Variants in MIPOL1 observed in about 807,000 individuals in gnomAD.
The protein encoded by MIPOL1 is mirror-image polydactyly gene 1 protein.
MIPOL1 carries 57 observed loss-of-function variants against 60.9 expected under a neutral mutation model. The observed-to-expected ratio is 0.94, with a 90% CI of 0.76 to 1.17. The LOEUF (loss-of-function observed/expected upper bound fraction) is 1.17. Ranked by LOEUF, MIPOL1 falls within the 50% of genes most tolerant of loss-of-function variation. The pLI is 0.00. For missense variants in MIPOL1, 551 were observed against 511.6 expected, an observed-to-expected ratio of 1.08 and a Z score of -0.74; for synonymous variants, 179 against 168.8, an observed-to-expected ratio of 1.06 and a Z score of -0.47.
chr14:37,538,541 TGACAGG>T (rs2095516456), intron 12 of MIPOL1, among the ~76,000 whole-genome samples: 2 of 152,202 alleles, frequency 1.3e-5, no homozygotes, highest in African/African-American at 4.8e-5. Context: ...AGATGAAATC[TGACAGG>T]GATAAATGTA....
At chr14:37,463,005 A>G (rs1028506747) in intron 11 of MIPOL1, among the ~76,000 whole-genome samples, 8 of 152,026 alleles carry the variant, frequency 5.3e-5, no homozygotes, top group African/African-American at 1.9e-4. Context: ...GCCCCATTCT[A>G]CTGGTACCAA....
At chr14:37,522,047 C>A (rs2095417959) in intron 12 of MIPOL1, among the ~76,000 whole-genome samples, 1 of 149,628 alleles carries the variant, frequency 6.7e-6, no homozygotes, top group Admixed American at 6.7e-5. Flanking sequence ...TTTTGCTCAA[C>A]CCTTTTACTC....
At chr14:37,417,353 A>G (rs887110461) in intron 10 of MIPOL1, among the ~76,000 whole-genome samples, 4 of 152,162 alleles carry the variant, frequency 2.6e-5, no homozygotes, top group African/African-American at 9.7e-5. Flanking sequence ...TCGACAGTGT[A>G]TATATGACTA....
intron 9 of MIPOL1, among the ~76,000 whole-genome samples, chr14:37,330,882 CT>C (rs2089621549): frequency 6.6e-6 from 1 of 151,992 alleles, no homozygotes; most frequent in South Asian, 2.1e-4. Context: ...GTTTTTGTGA[CT>C]TTTGTGTTCA....
chr14:37,341,907 T>G (rs1229605690), intron 9 of MIPOL1, among the ~76,000 whole-genome samples: 3 of 152,176 alleles, frequency 2.0e-5, no homozygotes, highest in Non-Finnish European at 2.9e-5. Flanking sequence ...TTTAGAGGAG[T>G]TATTTATTAT....
intron 1 of MIPOL1, among the ~76,000 whole-genome samples, chr14:37,243,375 G>C (rs1473768961): frequency 6.6e-6 from 1 of 152,138 alleles, no homozygotes; most frequent in African/African-American, 2.4e-5. Flanking sequence ...TGTATAATAA[G>C]ATGAAAATCC....
intron 7 of MIPOL1, among the ~76,000 whole-genome samples, chr14:37,289,930 T>C (rs1194949740): frequency 6.6e-6 from 1 of 152,034 alleles, no homozygotes; most frequent in Non-Finnish European, 1.5e-5. Flanking sequence ...TCCCTGTAGG[T>C]GAGGAAAGGG....
chr14:37,428,456 C>T (rs538308569), intron 11 of MIPOL1, among the ~76,000 whole-genome samples: 5 of 152,080 alleles, frequency 3.3e-5, no homozygotes, highest in African/African-American at 4.8e-5. Context: ...CAAGGCATGG[C>T]GTGTGCCTGT....
chr14:37,473,459 C>T (rs929606091), intron 11 of MIPOL1, among the ~76,000 whole-genome samples: 1 of 152,110 alleles, frequency 6.6e-6, no homozygotes, highest in Non-Finnish European at 1.5e-5. Context: ...CCATGTTTGA[C>T]TGTTCCTTTG....
chr14:37,531,322 C>G (rs914623230), intron 12 of MIPOL1, among the ~76,000 whole-genome samples: 1 of 151,996 alleles, frequency 6.6e-6, no homozygotes, highest in Non-Finnish European at 1.5e-5. Context: ...TTTCTTTCCT[C>G]TTTGCTTATT....
intron 10 of MIPOL1, among the ~76,000 whole-genome samples, chr14:37,398,613 A>G (rs1209400432): frequency 6.6e-6 from 1 of 152,192 alleles, no homozygotes; most frequent in Non-Finnish European, 1.5e-5. Context: ...AGAATAAAGA[A>G]AAAACATTAA....
chr14:37,400,842 T>C (rs2093467757), intron 10 of MIPOL1: 1 of 152,168 alleles, frequency 6.6e-6, no homozygotes, highest in Non-Finnish European at 1.5e-5. Flanking sequence ...TGAAATGTGC[T>C]CAGGGAACCC....
rs1052315222 is a variant in MIPOL1 at position 37,367,109 on chromosome 14, T to G, written c.829-2408T>G. ...GTATCTTTATCTGCTTTATAACTAT[T>G]TTATGAAATTATAGAGTGACAGTAA... On this transcript the variant is annotated intron_variant, in intron 9 of 12. Transcript: ENST00000684589. Among the ~76,000 whole-genome samples, 7 of 152,066 alleles carry G rather than the reference T, an allele frequency of 4.6e-5. No individual in the cohort carries two copies. The East Asian group carries it at 1.3e-3, about 29-fold the overall frequency.
chr14:37,512,873 C>A (rs1039634089), intron 12 of MIPOL1, among the ~76,000 whole-genome samples: 3 of 151,940 alleles, frequency 2.0e-5, no homozygotes, highest in Admixed American at 6.6e-5. Flanking sequence ...TGGGAGGAGA[C>A]CTAAAACTTC....
At chr14:37,492,527 T>A (rs1594699097) in intron 11 of MIPOL1, among the ~76,000 whole-genome samples, 6 of 152,224 alleles carry the variant, frequency 3.9e-5, no homozygotes, top group Admixed American at 3.9e-4. Flanking sequence ...TATACAGATA[T>A]GAATGCGTAT....
intron 12 of MIPOL1, among the ~76,000 whole-genome samples, chr14:37,516,851 T>C (rs1267722960): frequency 6.6e-6 from 1 of 152,158 alleles, no homozygotes; most frequent in Non-Finnish European, 1.5e-5. Context: ...ATATTTAAGC[T>C]GAACCAAACA....
At chr14:37,238,138 A>C (rs1326543860) in intron 1 of MIPOL1, among the ~76,000 whole-genome samples, 1 of 152,130 alleles carries the variant, frequency 6.6e-6, no homozygotes, top group Non-Finnish European at 1.5e-5. Context: ...CCTTCTGTGA[A>C]ATAATTATTC....
At chr14:37,370,552 G>A (rs1259225226) in intron 10 of MIPOL1, among the ~76,000 whole-genome samples, 1 of 152,080 alleles carries the variant, frequency 6.6e-6, no homozygotes, top group Non-Finnish European at 1.5e-5. Flanking sequence ...AATTCACTAA[G>A]CTGGAATCAT....
intron 12 of MIPOL1, chr14:37,507,197 C>G (rs924208425): frequency 3.3e-5 from 5 of 152,084 alleles, no homozygotes; most frequent in Non-Finnish European, 5.9e-5. Context: ...GACAGTGTGA[C>G]GATTCCTCAA....
Sources: allele counts gnomAD v4.1 joint callset (sites outside exome capture counted in the v4.1 genomes callset), GRCh38; gene constraint gnomAD v4.1.1; transcripts MANE v1.5; gene names NCBI Gene and HGNC (gene_info 2026-07-23, HGNC 2026-07-21).